Variants in CDK6 observed in about 807,000 individuals in gnomAD.
The protein encoded by CDK6 is cyclin-dependent kinase 6.
CDK6 carries 6 observed loss-of-function variants against 37.1 expected under a neutral mutation model. The observed-to-expected ratio is 0.16, with a 90% confidence interval of 0.09 to 0.32. The LOEUF (loss-of-function observed/expected upper bound fraction) is 0.32. CDK6 is among the 10% of genes least tolerant of loss of function. CDK6 has a pLI of 1.00. For synonymous variants in CDK6, 160 were observed against 161.3 expected (o/e 0.99, Z 0.06); for missense variants, 224 against 418.9 (o/e 0.53, Z 4.06).
intron 3 of CDK6, among the ~76,000 whole-genome samples, chr7:92,758,189 T>C (rs1799362363): frequency 6.6e-6 from 1 of 152,122 alleles, no homozygotes; most frequent in Admixed American, 6.6e-5. Flanking sequence ...TTGGTGTCTT[T>C]GACATGAAAT....
intron 5 of CDK6, among the ~76,000 whole-genome samples, chr7:92,641,768 A>G (rs982355749): frequency 6.6e-6 from 1 of 152,222 alleles, no homozygotes; most frequent in Non-Finnish European, 1.5e-5. Flanking sequence ...AGAGGATAGC[A>G]CCTGTCTTAC....
At chr7:92,738,509 C>T (rs1244011496) in intron 3 of CDK6, among the ~76,000 whole-genome samples, 3 of 151,884 alleles carry the variant, frequency 2.0e-5, no homozygotes, top group Admixed American at 6.6e-5. Flanking sequence ...CATGGTGGTG[C>T]ATGCCTGTAA....
intron 4 of CDK6, among the ~76,000 whole-genome samples, chr7:92,686,192 AG>A (rs1393305240): frequency 1.3e-5 from 2 of 152,112 alleles, no homozygotes; most frequent in African/African-American, 4.8e-5. Flanking sequence ...TACATGAGTA[AG>A]TTCTTTAGCG....
chr7:92,650,922 G>A lies in CDK6; in HGVS notation c.647+20504C>T, dbSNP rs577788077. 1.3e-4 allele frequency among the ~76,000 whole-genome samples: 20 copies of A among 150,570 alleles called. 1 individual carries two copies. Among genetic ancestry groups the A allele is most frequent in the Admixed American group, 1.3e-3 (20 of 15,124 alleles). On this transcript the variant is annotated intron_variant, in intron 5 of 7. Transcript: ENST00000424848. Reference sequence around the variant, plus strand: ...TTTTTTTTTTTTTAGACGGAGTCTCGCTCTGTTGCCAGGCTGGAGTGCAAT... The same window carrying A: ...TTTTTTTTTTTTTAGACGGAGTCTCACTCTGTTGCCAGGCTGGAGTGCAAT...
intron 5 of CDK6, among the ~76,000 whole-genome samples, chr7:92,628,935 C>T (rs573835755): frequency 1.3e-5 from 2 of 152,122 alleles, no homozygotes; most frequent in South Asian, 2.1e-4. Flanking sequence ...GATGGTCTCC[C>T]TGGAAGACAA....
chr7:92,723,043 G>A (rs940192566), intron 4 of CDK6, among the ~76,000 whole-genome samples: 2 of 152,094 alleles, frequency 1.3e-5, no homozygotes, highest in Admixed American at 1.3e-4. Context: ...AAATTAGCCT[G>A]GGGTGGCCTG....
intron 4 of CDK6, among the ~76,000 whole-genome samples, chr7:92,717,393 A>C: frequency 7.2e-6 from 1 of 138,556 alleles, no homozygotes; most frequent in Non-Finnish European, 1.6e-5. Context: ...GGGAAAGGAA[A>C]GGAAAAAGGA....
chr7:92,712,940 T>C (rs1026897483), intron 4 of CDK6, among the ~76,000 whole-genome samples: 2 of 152,170 alleles, frequency 1.3e-5, no homozygotes, highest in Non-Finnish European at 2.9e-5. Context: ...CTTGGCTCAC[T>C]GCAACCTCCG....
intron 3 of CDK6, among the ~76,000 whole-genome samples, chr7:92,754,366 C>T (rs549778614): frequency 5.3e-5 from 8 of 152,130 alleles, no homozygotes; most frequent in Non-Finnish European, 2.9e-5. Flanking sequence ...GCCCCCAAAG[C>T]AAAATGGTCT....
chr7:92,659,237 T>C (rs1407820211), intron 5 of CDK6, among the ~76,000 whole-genome samples: 5 of 152,224 alleles, frequency 3.3e-5, no homozygotes, highest in African/African-American at 1.2e-4. Context: ...TACATGTGGC[T>C]ACTGAGCACT....
At position 92,608,955 on chromosome 7, in the gene CDK6, G is replaced by A; in HGVS notation, c.*6185C>T. ...AGCACGAGCAAATGGGGTTCAGACT[G>A]GCCACTGTTATAACAAACCCTGGGG... On this transcript the variant is annotated 3_prime_UTR_variant, in exon 8 of 8. Transcript: ENST00000424848. 1 of 233,080 alleles carries A rather than the reference G, an allele frequency of 4.3e-6. No individual in the cohort carries two copies. The highest frequency in any genetic ancestry group is 6.0e-5 in the East Asian group (1 of 16,564). The allele number at this position is 233,080 out of a possible 1,614,324, so 14.4% of individuals were successfully genotyped here.
intron 2 of CDK6, among the ~76,000 whole-genome samples, chr7:92,795,171 C>T (rs1800377889): frequency 6.6e-6 from 1 of 152,018 alleles, no homozygotes; most frequent in Admixed American, 6.6e-5. Context: ...TCCCCTCATG[C>T]TTTCTTTCCT....
At chr7:92,731,635 G>A (rs567898021) in intron 3 of CDK6, among the ~76,000 whole-genome samples, 23 of 152,132 alleles carry the variant, frequency 1.5e-4, no homozygotes, top group Admixed American at 3.9e-4. Flanking sequence ...GGCATTGCAT[G>A]TAAATTTTAA....
chr7:92,616,917 A>G (rs1309528801), intron 7 of CDK6, among the ~76,000 whole-genome samples: 1 of 152,178 alleles, frequency 6.6e-6, no homozygotes, highest in African/African-American at 2.4e-5. Flanking sequence ...AAAGGTGTTT[A>G]AGTTCTATTA....
At chr7:92,758,138 G>C (rs1403402601) in intron 3 of CDK6, among the ~76,000 whole-genome samples, 1 of 152,074 alleles carries the variant, frequency 6.6e-6, no homozygotes, top group African/African-American at 2.4e-5. Flanking sequence ...GCTGTGCAGA[G>C]CTCATAAACT....
At chr7:92,677,496 G>T (rs926894141) in intron 4 of CDK6, among the ~76,000 whole-genome samples, 2 of 152,152 alleles carry the variant, frequency 1.3e-5, no homozygotes, top group African/African-American at 2.4e-5. Flanking sequence ...GCACACGCCT[G>T]TAATCCCTGC....
intron 6 of CDK6, among the ~76,000 whole-genome samples, chr7:92,618,673 C>CAATTTGGT (rs1460510973): frequency 1.3e-5 from 2 of 152,098 alleles, no homozygotes; most frequent in Non-Finnish European, 2.9e-5. Context: ...ATTAACATAT[C>CAATTTGGT]AATTTGGTTG....
intron 5 of CDK6, among the ~76,000 whole-genome samples, chr7:92,654,930 C>T (rs1796656331): frequency 6.6e-6 from 1 of 151,930 alleles, no homozygotes. Context: ...ACTGCAGCCT[C>T]AATCTCCCAG....
intron 2 of CDK6, among the ~76,000 whole-genome samples, chr7:92,776,082 C>A (rs1799846212): frequency 6.6e-6 from 1 of 150,814 alleles, no homozygotes; most frequent in African/African-American, 2.4e-5. Flanking sequence ...CCCGACAGGC[C>A]CTGGTGTGCG....
Sources: gnomAD v4.1 joint callset for allele counts (sites outside exome capture counted in the v4.1 genomes callset) on GRCh38, gnomAD v4.1.1 for gene constraint, MANE v1.5 for transcripts, NCBI Gene and HGNC (gene_info 2026-07-23, HGNC 2026-07-21) for gene names.